DOCK1: variants seen among roughly 807,000 people sequenced by gnomAD.
DOCK1 encodes dedicator of cytokinesis protein 1.
Under a neutral mutation model 262.7 loss-of-function variants are expected in DOCK1, and 138 were observed. That is an observed-to-expected ratio of 0.53 (90% confidence interval 0.46 to 0.61). The LOEUF is 0.61. DOCK1 is among the 20% of genes least tolerant of loss of function. DOCK1 has a pLI of 0.00. For missense variants in DOCK1, 1,908 were observed against 2,370.7 expected, an observed-to-expected ratio of 0.80 and a Z score of 4.05; for synonymous variants, 866 against 867.4, an observed-to-expected ratio of 1.00 and a Z score of 0.03.
At chr10:127,280,032 AT>A (rs1424561820) in intron 29 of DOCK1, among the ~76,000 whole-genome samples, 2,734 of 131,184 alleles carry the variant, frequency 0.021, 24 homozygotes, top group South Asian at 0.028. Flanking sequence ...ATATATATAT[AT>A]AATTTTTTTT....
intron 10 of DOCK1, among the ~76,000 whole-genome samples, chr10:127,004,295 G>C (rs1046665906): frequency 6.6e-6 from 1 of 151,756 alleles, no homozygotes; most frequent in African/African-American, 2.4e-5. Context: ...GGACCTGATC[G>C]TTCTGCTTGT....
At chr10:127,071,352 C>T (rs1437197693) in intron 23 of DOCK1, among the ~76,000 whole-genome samples, 2 of 152,202 alleles carry the variant, frequency 1.3e-5, no homozygotes, top group Admixed American at 6.5e-5. Context: ...GATAAATACA[C>T]TTGTTTCCTT....
intron 27 of DOCK1, among the ~76,000 whole-genome samples, chr10:127,171,630 T>C (rs1262284377): frequency 3.3e-5 from 5 of 152,164 alleles, no homozygotes; most frequent in African/African-American, 9.7e-5. Flanking sequence ...GAACTGACTT[T>C]CCCCAGCTTC....
chr10:127,120,216 G>A (rs1262839830), intron 25 of DOCK1, among the ~76,000 whole-genome samples: 2 of 152,192 alleles, frequency 1.3e-5, no homozygotes, highest in Non-Finnish European at 2.9e-5. Flanking sequence ...CTGGAGTCAC[G>A]TACGTGTGAC....
At chr10:126,927,729 GC>G (rs1396255994) in intron 1 of DOCK1, among the ~76,000 whole-genome samples, 1 of 152,098 alleles carries the variant, frequency 6.6e-6, no homozygotes, top group East Asian at 1.9e-4. Context: ...GAGCCACCGC[GC>G]CCGGCCTGTC....
At chr10:127,419,392 GC>G (rs527315556) in intron 45 of DOCK1, among the ~76,000 whole-genome samples, 443 of 152,336 alleles carry the variant, frequency 2.9e-3, no homozygotes, top group African/African-American at 9.3e-3. Flanking sequence ...CTGCCACCCA[GC>G]AGGACCAAGC....
At chr10:126,922,209 CAAAA>C (rs1213635501) in intron 1 of DOCK1, among the ~76,000 whole-genome samples, 6 of 63,940 alleles carry the variant, frequency 9.4e-5, no homozygotes, top group Admixed American at 1.8e-4. Flanking sequence ...GACCCTGTAT[CAAAA>C]AAAAAAAAAA....
At chr10:126,992,450 C>T (rs900499963) in intron 6 of DOCK1, among the ~76,000 whole-genome samples, 11 of 152,146 alleles carry the variant, frequency 7.2e-5, no homozygotes, top group African/African-American at 2.2e-4. Flanking sequence ...CAAAGCCCAG[C>T]GCTCTGCATA....
In DOCK1 at chr10:127,451,446, A is replaced by G. The variant is rs1206892215; in HGVS notation, c.*19A>G. 1 of 1,559,228 alleles carries G rather than the reference A, an allele frequency of 6.4e-7. No homozygotes were observed. Among genetic ancestry groups the G allele is most frequent in the East Asian group, 2.4e-5 (1 of 41,328 alleles). On this transcript the variant is annotated 3_prime_UTR_variant, in exon 52 of 52. Transcript: ENST00000623213. ...GCAGTGACGTCGCAAGCCTCTCTGGAAAGAGTGTGCTGCCCCTCCCCATCT... is the reference window on the plus strand; with the variant it reads ...GCAGTGACGTCGCAAGCCTCTCTGGGAAGAGTGTGCTGCCCCTCCCCATCT...
rs879903168 is a variant in DOCK1 at position 127,322,845 on chromosome 10, AAGTGTACTGATCCCTT to A, written c.3045-16160_3045-16145del. On this transcript the variant is annotated intron_variant, in intron 29 of 51. Transcript: ENST00000623213. The stretch of plus-strand genomic sequence containing the variant: ...TTTACTGTCTGATCATTTACAGAAG[AAGTGTACTGATCCCTT>A]GACTAGACTGTCAAGAATGGAAAGT... Among the ~76,000 whole-genome samples, 458 of 152,286 alleles carry A rather than the reference AAGTGTACTGATCCCTT, an allele frequency of 3.0e-3. 11 individuals carry two copies. Among genetic ancestry groups the A allele is most frequent in the Admixed American group, 0.024 (375 of 15,312 alleles).
At chr10:126,936,886 G>A (rs1454724172) in intron 1 of DOCK1, among the ~76,000 whole-genome samples, 3 of 152,214 alleles carry the variant, frequency 2.0e-5, no homozygotes, top group East Asian at 1.9e-4. Context: ...AGCACCATTC[G>A]TCACCGGAAC....
At chr10:127,332,784 G>A (rs117705174) in intron 29 of DOCK1, among the ~76,000 whole-genome samples, 5,457 of 152,240 alleles carry the variant, frequency 0.036, 133 homozygotes, top group Non-Finnish European at 0.056. Context: ...GAAGTTTCTG[G>A]CCATGTGAGT....
intron 35 of DOCK1, among the ~76,000 whole-genome samples, chr10:127,376,070 T>C (rs991703584): frequency 2.0e-5 from 3 of 152,038 alleles, no homozygotes; most frequent in Non-Finnish European, 4.4e-5. Context: ...AAAAACACAG[T>C]GAAGGGGCAG....
At chr10:127,037,657 T>C in intron 18 of DOCK1, 62 bp from the exon 19 acceptor site, 2 of 1,422,654 alleles carry the variant, frequency 1.4e-6, no homozygotes, top group Non-Finnish European at 9.5e-7. Context: ...TAATGCATGA[T>C]TAACAGAGAC....
In DOCK1 at chr10:127,042,639, G is replaced by A. The variant is rs774035531; in HGVS notation, c.2025G>A (p.Thr675=). The change falls in exon 20 of 52, where the codon ACG becomes ACA. Residue 675 remains threonine (T), a synonymous_variant. Coordinates refer to ENST00000623213, the MANE Select transcript of DOCK1 (RefSeq NM_001290223.2). ...TGTCTATGCAGTTTCTTCAGGACAC[G>A]TTGGATGCCCTCTTCAACATCATGA... The part of the protein sequence containing the change: ...GGEVVKFLQD[T]LDALFNIMME... 1.1e-5 allele frequency: 17 copies of A among 1,614,012 alleles called. No homozygotes were observed. The highest frequency in any genetic ancestry group is 4.5e-5 in the East Asian group (2 of 44,882).
At chr10:127,009,058 C>G (rs2041238333) in intron 11 of DOCK1, among the ~76,000 whole-genome samples, 1 of 152,182 alleles carries the variant, frequency 6.6e-6, no homozygotes, top group South Asian at 2.1e-4. Flanking sequence ...ATAGAAGGCA[C>G]AGAGTTACAG....
intron 27 of DOCK1, chr10:127,137,587 G>A (rs569109080): frequency 9.7e-5 from 38 of 393,356 alleles, no homozygotes; most frequent in Non-Finnish European, 9.5e-5. Flanking sequence ...CTTTGACTAC[G>A]TAAGTTTCAT....
chr10:127,272,985 G>A (rs1176956997), intron 29 of DOCK1, among the ~76,000 whole-genome samples: 1 of 152,092 alleles, frequency 6.6e-6, no homozygotes, highest in Non-Finnish European at 1.5e-5. Flanking sequence ...GATGAGATTT[G>A]GGTGGGGACA....
intron 29 of DOCK1, among the ~76,000 whole-genome samples, chr10:127,316,714 T>G (rs1035404010): frequency 9.9e-5 from 15 of 152,150 alleles, no homozygotes; most frequent in African/African-American, 3.6e-4. Flanking sequence ...ATGAGCAGCA[T>G]TATTCTGCAG....
Sources: gnomAD v4.1 joint callset for allele counts (sites outside exome capture counted in the v4.1 genomes callset) on GRCh38, gnomAD v4.1.1 for gene constraint, MANE v1.5 for transcripts, NCBI Gene and HGNC (gene_info 2026-07-23, HGNC 2026-07-21) for gene names.